The following SNX29 variants were observed in gnomAD, a reference collection of about 807,000 sequenced individuals.
SNX29 encodes sorting nexin-29.
In SNX29, 78 loss-of-function variants were observed where a neutral mutation model predicts 102.1. The observed-to-expected ratio is 0.76, with a 90% CI of 0.64 to 0.92. SNX29 has a LOEUF of 0.92. SNX29 is among the 40% of genes least tolerant of loss of function. The probability of loss-of-function intolerance (pLI) is 0.00; values close to 1 mark genes in which losing one functional copy is unlikely to be tolerated. For missense variants in SNX29, 1,280 were observed against 1,061.7 expected (o/e 1.21, Z -2.86); for synonymous variants, 580 against 414.5 (o/e 1.40, Z -4.85).
intron 15 of SNX29, among the ~76,000 whole-genome samples, chr16:12,348,490 T>C (rs542610287): frequency 6.6e-6 from 1 of 152,216 alleles, no homozygotes; most frequent in Non-Finnish European, 1.5e-5. Context: ...CTCTGCCTGC[T>C]GATGGCAGCC....
At chr16:12,017,148 A>G (rs1391155471) in intron 3 of SNX29, among the ~76,000 whole-genome samples, 2 of 152,134 alleles carry the variant, frequency 1.3e-5, no homozygotes, top group African/African-American at 2.4e-5. Flanking sequence ...AACAAAAATT[A>G]TACTGCCTGA....
At chr16:12,209,179 G>T (rs912512164) in intron 14 of SNX29, among the ~76,000 whole-genome samples, 15 of 152,178 alleles carry the variant, frequency 9.9e-5, no homozygotes, top group Non-Finnish European at 2.1e-4. Flanking sequence ...CGGGTTGCAG[G>T]GGGGTAAAGT....
Position 12,541,229 on chromosome 16 carries a change from C to G in SNX29, c.2318+16388C>G, listed in dbSNP as rs117470223. On this transcript the variant is annotated intron_variant, in intron 20 of 20. Transcript: ENST00000566228. ...GAATATTGGTGCATGGAGAGAAGGACTATGGAACCATGTATCATATCTTAT... is the reference window on the plus strand; with the variant it reads ...GAATATTGGTGCATGGAGAGAAGGAGTATGGAACCATGTATCATATCTTAT... 1.7e-3 allele frequency among the ~76,000 whole-genome samples: 260 copies of G among 152,232 alleles called. 1 individual carries two copies. Among genetic ancestry groups the G allele is most frequent in the Admixed American group, 2.7e-3 (41 of 15,294 alleles).
At chr16:12,273,611 A>G (rs767467695) in intron 14 of SNX29, among the ~76,000 whole-genome samples, 7 of 151,192 alleles carry the variant, frequency 4.6e-5, no homozygotes, top group Non-Finnish European at 1.0e-4. Context: ...GCCCACCTCA[A>G]CCTCCCAATG....
intron 18 of SNX29, among the ~76,000 whole-genome samples, chr16:12,408,161 AAAACAAACAAACAAAC>A (rs541045540): frequency 6.6e-6 from 1 of 151,026 alleles, no homozygotes; most frequent in South Asian, 2.1e-4. Context: ...CCTTCTCAAA[AAAACAAACAAACAAAC>A]AAAAAAAAAA....
rs76663189 is a variant in SNX29, at chr16:12,568,676, G to A, written c.*47G>A. 95 of 1,586,064 alleles carry A rather than the reference G, an allele frequency of 6.0e-5. 1 individual carries two copies. The highest frequency in any genetic ancestry group is 1.4e-4 in the Admixed American group (8 of 58,754). ...GGGCCCTGTGCGTGGCACCAGCTGC[G>A]TCCACCCCAGCCACTGCCGCTGGCC... On this transcript the variant is annotated 3_prime_UTR_variant, in exon 21 of 21. Transcript: ENST00000566228.
At chr16:12,305,536 G>C (rs1422400685) in intron 15 of SNX29, among the ~76,000 whole-genome samples, 1 of 152,070 alleles carries the variant, frequency 6.6e-6, no homozygotes. Context: ...AAAAATCAGT[G>C]GTCCTGAGCC....
At chr16:12,545,732 A>G (rs1038373526) in intron 20 of SNX29, 1 of 152,212 alleles carries the variant, frequency 6.6e-6, no homozygotes, top group African/African-American at 2.4e-5. Flanking sequence ...GTCACCATGA[A>G]GCCTTCAGAT....
chr16:12,510,831 A>G (rs747190847), intron 19 of SNX29, among the ~76,000 whole-genome samples: 26 of 152,034 alleles, frequency 1.7e-4, no homozygotes, highest in Admixed American at 1.3e-4. Flanking sequence ...CTTTCCTGCC[A>G]TGGGAATCAT....
chr16:12,569,077 T>A lies in SNX29; in HGVS notation c.*448T>A. On this transcript the variant is annotated 3_prime_UTR_variant, in exon 21 of 21. Coordinates refer to ENST00000566228, the MANE Select transcript of SNX29 (RefSeq NM_032167.5). ...AATGACTATTAGCCTCTCCTTTTGC[T>A]TTTTAAGGTTATTACCTGGCCTAAC... 1 of 187,520 alleles carries A rather than the reference T, an allele frequency of 5.3e-6. No individual in the cohort carries two copies. The highest frequency in any genetic ancestry group is 1.1e-5 in the Non-Finnish European group (1 of 94,298). The allele number at this position is 187,520 out of a possible 1,614,324, so 11.6% of individuals were successfully genotyped here.
At chr16:12,222,726 G>C (rs2077510259) in intron 14 of SNX29, among the ~76,000 whole-genome samples, 1 of 152,122 alleles carries the variant, frequency 6.6e-6, no homozygotes, top group African/African-American at 2.4e-5. Flanking sequence ...CCGCCACCAT[G>C]CCCAGCTAAT....
intron 5 of SNX29, 117 bp downstream of exon 5, chr16:12,043,194 C>G: frequency 7.7e-7 from 1 of 1,298,168 alleles, no homozygotes; most frequent in Admixed American, 2.0e-5. Flanking sequence ...AAGTGGGCCT[C>G]CCTCTGACAG....
At chr16:12,184,550 C>T (rs1407632037) in intron 13 of SNX29, among the ~76,000 whole-genome samples, 2 of 152,208 alleles carry the variant, frequency 1.3e-5, no homozygotes, top group Non-Finnish European at 1.5e-5. Context: ...CATCCAGTTC[C>T]CTCATGGTCT....
At chr16:12,089,350 A>T (rs902257352) in intron 11 of SNX29, among the ~76,000 whole-genome samples, 5 of 152,080 alleles carry the variant, frequency 3.3e-5, no homozygotes, top group Admixed American at 6.5e-5. Context: ...TAAAAAAATT[A>T]AAAAAACCCA....
At position 12,571,770 on chromosome 16, in the gene SNX29, G is replaced by A. The variant is rs983772724; in HGVS notation, c.*3141G>A. The A allele has an allele frequency of 2.0e-6, 2 of 1,012,340 alleles. No individual in the cohort carries two copies. Among genetic ancestry groups the A allele is most frequent in the African/African-American group, 3.3e-5 (2 of 59,716 alleles). 62.7% of individuals were successfully genotyped at this position (1,012,340 alleles called of 1,614,324 possible). On this transcript the variant is annotated 3_prime_UTR_variant, in exon 21 of 21. Transcript: ENST00000566228. ...AACCATCCACTCCTGATCTGAGACA[G>A]AACCTTCTCCGCCACTCTTCCTGCA... is the stretch of plus-strand genomic sequence containing the variant.
At chr16:12,561,909 C>G (rs141210438) in intron 20 of SNX29, among the ~76,000 whole-genome samples, 1 of 152,188 alleles carries the variant, frequency 6.6e-6, no homozygotes, top group Non-Finnish European at 1.5e-5. Context: ...GGAGTTCCTT[C>G]TCCAGTTGCC....
chr16:12,341,714 T>C (rs2081615478), intron 15 of SNX29, among the ~76,000 whole-genome samples: 1 of 152,300 alleles, frequency 6.6e-6, no homozygotes, highest in South Asian at 2.1e-4. Flanking sequence ...AGCAGTCCTA[T>C]GCTATGACTC....
chr16:12,092,130 G>GC (rs1235834731), intron 11 of SNX29, among the ~76,000 whole-genome samples: 1 of 152,040 alleles, frequency 6.6e-6, no homozygotes, highest in African/African-American at 2.4e-5. Context: ...AGGTTTCAGA[G>GC]CCCCCTGTAA....
intron 5 of SNX29, among the ~76,000 whole-genome samples, chr16:12,043,788 C>G (rs1404393889): frequency 6.6e-6 from 1 of 152,004 alleles, no homozygotes; most frequent in Non-Finnish European, 1.5e-5. Context: ...GAGCCTCACT[C>G]TTTTGCCCAG....
Sources: gnomAD v4.1 joint callset for allele counts (sites outside exome capture counted in the v4.1 genomes callset) on GRCh38, gnomAD v4.1.1 for gene constraint, MANE v1.5 for transcripts, NCBI Gene and HGNC (gene_info 2026-07-23, HGNC 2026-07-21) for gene names.